The following MLLT3 variants were observed in gnomAD, a reference collection of about 807,000 sequenced individuals.
The protein encoded by MLLT3 is protein AF-9.
Under a neutral mutation model 53.2 loss-of-function variants are expected in MLLT3, and 4 were observed. That is an observed-to-expected ratio of 0.08 (90% confidence interval 0.04 to 0.17). The LOEUF is 0.17. MLLT3 is among the 10% of genes least tolerant of loss of function. The pLI is 1.00. For missense variants in MLLT3, 569 were observed against 684.0 expected, an observed-to-expected ratio of 0.83 and a Z score of 1.87; for synonymous variants, 283 against 230.6, an observed-to-expected ratio of 1.23 and a Z score of -2.06.
intron 2 of MLLT3, among the ~76,000 whole-genome samples, chr9:20,605,993 C>T (rs1820554049): frequency 6.6e-6 from 1 of 152,102 alleles, no homozygotes; most frequent in African/African-American, 2.4e-5. Context: ...TAAAAAGTAA[C>T]TCCCAAATGC....
intron 2 of MLLT3, among the ~76,000 whole-genome samples, chr9:20,503,890 A>G (rs1825312681): frequency 1.3e-5 from 2 of 152,354 alleles, no homozygotes; most frequent in South Asian, 4.1e-4. Flanking sequence ...AAATGGGTGA[A>G]GGACTTGAAA....
At chr9:20,515,352 G>A (rs571474851) in intron 2 of MLLT3, among the ~76,000 whole-genome samples, 1 of 152,304 alleles carries the variant, frequency 6.6e-6, no homozygotes, top group South Asian at 2.1e-4. Flanking sequence ...CTGAAGTTTG[G>A]CCAAGTTTGT....
chr9:20,506,648 G>A (rs1245742068), intron 2 of MLLT3, among the ~76,000 whole-genome samples: 7 of 152,134 alleles, frequency 4.6e-5, no homozygotes, highest in South Asian at 2.1e-4. Context: ...ACAGACCTTG[G>A]CACACATAAA....
intron 2 of MLLT3, among the ~76,000 whole-genome samples, chr9:20,529,669 G>A (rs925330032): frequency 1.3e-5 from 2 of 150,724 alleles, no homozygotes; most frequent in Non-Finnish European, 2.9e-5. Context: ...ACTACACTAA[G>A]GCATGAGAAA....
intron 5 of MLLT3, among the ~76,000 whole-genome samples, chr9:20,399,729 C>T (rs765251749): frequency 3.9e-5 from 6 of 151,984 alleles, no homozygotes; most frequent in African/African-American, 9.7e-5. Flanking sequence ...AAGGATGAAA[C>T]GGTCAGACTG....
intron 3 of MLLT3, among the ~76,000 whole-genome samples, chr9:20,449,010 GCCTA>G (rs1563969937): frequency 6.6e-6 from 1 of 151,934 alleles, no homozygotes; most frequent in Non-Finnish European, 1.5e-5. Flanking sequence ...TACCTTCACT[GCCTA>G]CCTCCATTTC....
At chr9:20,460,655 C>G (rs529925622) in intron 2 of MLLT3, among the ~76,000 whole-genome samples, 15 of 152,282 alleles carry the variant, frequency 9.9e-5, no homozygotes, top group Middle Eastern at 3.4e-3. Flanking sequence ...AGGCCTGACA[C>G]TACCATTGAG....
intron 2 of MLLT3, among the ~76,000 whole-genome samples, chr9:20,487,016 T>C (rs1051326875): frequency 3.3e-5 from 5 of 152,114 alleles, no homozygotes; most frequent in African/African-American, 1.2e-4. Context: ...TTATCAATTG[T>C]TGTGTGTTAA....
At chr9:20,552,522 C>T (rs1004107107) in intron 2 of MLLT3, among the ~76,000 whole-genome samples, 7 of 151,818 alleles carry the variant, frequency 4.6e-5, no homozygotes, top group Non-Finnish European at 8.8e-5. Flanking sequence ...TTGTTGTTAT[C>T]GTTGTTGTTG....
intron 10 of MLLT3, among the ~76,000 whole-genome samples, chr9:20,347,665 C>T (rs1043626714): frequency 4.6e-5 from 7 of 151,992 alleles, no homozygotes; most frequent in Admixed American, 1.3e-4. Context: ...TTGGGCACAG[C>T]GTTTTTTGGG....
intron 2 of MLLT3, among the ~76,000 whole-genome samples, chr9:20,614,141 T>A (rs1447014413): frequency 6.6e-6 from 1 of 152,196 alleles, no homozygotes; most frequent in African/African-American, 2.4e-5. Context: ...ATGCCTGTAA[T>A]CTCAGCACTT....
chr9:20,542,939 C>T (rs1818681434), intron 2 of MLLT3, among the ~76,000 whole-genome samples: 1 of 152,202 alleles, frequency 6.6e-6, no homozygotes, highest in East Asian at 1.9e-4. Context: ...GCTGCTTCAC[C>T]TTGCACTTTC....
intron 3 of MLLT3, among the ~76,000 whole-genome samples, chr9:20,454,189 A>G (rs975611396): frequency 2.6e-5 from 4 of 152,116 alleles, no homozygotes; most frequent in South Asian, 2.1e-4. Context: ...TGCCTTCATT[A>G]TATCTTGCTT....
chr9:20,394,264 C>T (rs956107133), intron 5 of MLLT3, among the ~76,000 whole-genome samples: 13 of 152,012 alleles, frequency 8.6e-5, no homozygotes, highest in African/African-American at 2.4e-4. Context: ...ATGAAGCTTT[C>T]GGGTATTTGC....
At chr9:20,544,943 C>A (rs909308975) in intron 2 of MLLT3, among the ~76,000 whole-genome samples, 1 of 151,716 alleles carries the variant, frequency 6.6e-6, no homozygotes, top group African/African-American at 2.4e-5. Flanking sequence ...AATTAGCCAA[C>A]GTGGTGGCGC....
rs78934146 is a variant in MLLT3 at position 20,507,603 on chromosome 9, A to T, written c.194-50817T>A. Among the ~76,000 whole-genome samples the T allele has an allele frequency of 0.011, 1,612 of 152,312 alleles. 70 individuals are homozygous for T. In the East Asian group the frequency reaches 0.15, roughly 15 times the overall value. On this transcript the variant is annotated intron_variant, in intron 2 of 10. Coordinates refer to ENST00000380338, the MANE Select transcript of MLLT3 (RefSeq NM_004529.4). ...AATTAATCTCATGTTCAAAGCCAGC[A>T]GATGATTTCTCAAGATTACCCAATT... is the stretch of plus-strand genomic sequence containing the variant.
chr9:20,556,455 T>C (rs1819059976), intron 2 of MLLT3, among the ~76,000 whole-genome samples: 1 of 151,984 alleles, frequency 6.6e-6, no homozygotes, highest in African/African-American at 2.4e-5. Context: ...GAGGCCGAGG[T>C]GGGCGGATCA....
At chr9:20,473,780 T>C (rs542686090) in intron 2 of MLLT3, among the ~76,000 whole-genome samples, 4 of 152,162 alleles carry the variant, frequency 2.6e-5, no homozygotes, top group African/African-American at 9.6e-5. Context: ...AAAAACAAAG[T>C]AGCTGCAGAC....
intron 2 of MLLT3, among the ~76,000 whole-genome samples, chr9:20,499,782 G>A (rs1825171549): frequency 6.6e-6 from 1 of 152,120 alleles, no homozygotes; most frequent in Admixed American, 6.5e-5. Flanking sequence ...TCTCCAAATA[G>A]GGTGTAAAAA....
Sources: gnomAD v4.1 joint callset for allele counts (sites outside exome capture counted in the v4.1 genomes callset) on GRCh38, gnomAD v4.1.1 for gene constraint, MANE v1.5 for transcripts, NCBI Gene and HGNC (gene_info 2026-07-23, HGNC 2026-07-21) for gene names.